Variants in ANKMY2 observed in about 807,000 individuals in gnomAD.
The protein encoded by ANKMY2 is ankyrin repeat and MYND domain-containing protein 2.
ANKMY2 carries 36 observed loss-of-function variants against 50.4 expected under a neutral mutation model. The observed-to-expected ratio is 0.71, with a 90% CI of 0.55 to 0.94. The LOEUF is 0.94. Among genes scored for constraint, ANKMY2 ranks in the 40% least tolerant of loss-of-function variants. The pLI, the probability that ANKMY2 is intolerant of heterozygous loss-of-function variation, is 0.00. For synonymous variants in ANKMY2, 187 were observed against 178.8 expected (o/e 1.05, Z -0.36); for missense variants, 565 against 524.0 (o/e 1.08, Z -0.76).
chr7:16,643,089 C>G (rs1781766602), intron 1 of ANKMY2, among the ~76,000 whole-genome samples: 1 of 152,180 alleles, frequency 6.6e-6, no homozygotes, highest in South Asian at 2.1e-4. Context: ...TTTAACTATA[C>G]TAACTACTTT....
At chr7:16,638,628 C>A (rs1562467575) in intron 1 of ANKMY2, among the ~76,000 whole-genome samples, 1 of 152,296 alleles carries the variant, frequency 6.6e-6, no homozygotes, top group East Asian at 1.9e-4. Context: ...TTAAGTCAGT[C>A]TTCAGCTCCT....
intron 4 of ANKMY2, among the ~76,000 whole-genome samples, chr7:16,617,699 C>T (rs894694283): frequency 6.6e-6 from 1 of 152,140 alleles, no homozygotes; most frequent in African/African-American, 2.4e-5. Flanking sequence ...GGCATGGTGG[C>T]TCATGCCTAT....
At chr7:16,622,745 T>C (rs1288265516) in intron 4 of ANKMY2, among the ~76,000 whole-genome samples, 1 of 76,620 alleles carries the variant, frequency 1.3e-5, no homozygotes, top group East Asian at 2.9e-4. Flanking sequence ...ATCTCAAAAA[T>C]AAATGAATAA....
chr7:16,633,480 T>C (rs1781615562), intron 2 of ANKMY2, among the ~76,000 whole-genome samples: 1 of 152,162 alleles, frequency 6.6e-6, no homozygotes, highest in Admixed American at 6.5e-5. Flanking sequence ...TGATAAATGT[T>C]GTATTTTCAG....
chr7:16,627,290 C>A, intron 2 of ANKMY2, 112 bp from the exon 3 acceptor site: 1 of 598,548 alleles, frequency 1.7e-6, no homozygotes, highest in Non-Finnish European at 2.7e-6. Flanking sequence ...TTAAAATGGT[C>A]ATTATAATAT....
chr7:16,638,295 T>C (rs1421385906), intron 1 of ANKMY2, among the ~76,000 whole-genome samples: 2 of 152,236 alleles, frequency 1.3e-5, no homozygotes, highest in East Asian at 3.8e-4. Context: ...CATAAGCCCC[T>C]GTACTTCTGA....
intron 5 of ANKMY2, among the ~76,000 whole-genome samples, chr7:16,612,093 G>A (rs375527557): frequency 1.3e-5 from 2 of 152,194 alleles, no homozygotes; most frequent in African/African-American, 4.8e-5. Flanking sequence ...CACAACAAAT[G>A]TAACAGGGAC....
chr7:16,610,416 A>C, intron 6 of ANKMY2, 133 bp downstream of exon 6: 2 of 673,980 alleles, frequency 3.0e-6, no homozygotes, highest in Non-Finnish European at 5.0e-6. Flanking sequence ...CTGTTTGTCA[A>C]AGACTAAATG....
At chr7:16,601,237 T>C (rs553963594) in intron 9 of ANKMY2, among the ~76,000 whole-genome samples, 1 of 152,342 alleles carries the variant, frequency 6.6e-6, no homozygotes, top group African/African-American at 2.4e-5. Flanking sequence ...AAGCCTGTAT[T>C]TGAATACAGC....
intron 7 of ANKMY2, among the ~76,000 whole-genome samples, chr7:16,607,618 T>A (rs1781181352): frequency 6.6e-6 from 1 of 151,428 alleles, no homozygotes. Flanking sequence ...CTAATTACAT[T>A]ATTCTATTAT....
rs536858693 is a variant in ANKMY2, at chr7:16,603,246, A to T, written c.1012-737T>A. On this transcript the variant is annotated intron_variant, in intron 8 of 9. Coordinates refer to ENST00000306999, the MANE Select transcript of ANKMY2 (RefSeq NM_020319.3). ...TCCCAAAGGTAGCTAGCATCAAGAA[A>T]AAGAAAGATATGGAAGAAGGGAGAG... is the stretch of plus-strand genomic sequence containing the variant. 2.6e-5 allele frequency among the ~76,000 whole-genome samples: 4 copies of T among 152,322 alleles called. No homozygotes were observed. The East Asian group carries it at 5.8e-4, about 22-fold the overall frequency.
chr7:16,641,813 TATG>T (rs1781749423), intron 1 of ANKMY2, among the ~76,000 whole-genome samples: 1 of 152,218 alleles, frequency 6.6e-6, no homozygotes, highest in Admixed American at 6.5e-5. Flanking sequence ...ATACTTATTG[TATG>T]ATTCTACTAA....
intron 5 of ANKMY2, among the ~76,000 whole-genome samples, chr7:16,615,287 C>G (rs1159762179): frequency 1.3e-5 from 2 of 152,186 alleles, no homozygotes; most frequent in Non-Finnish European, 2.9e-5. Context: ...ACCAGGCCCC[C>G]GGGGCTCTCA....
intron 8 of ANKMY2, among the ~76,000 whole-genome samples, chr7:16,604,241 A>C (rs1396097276): frequency 6.6e-6 from 1 of 152,250 alleles, no homozygotes; most frequent in Non-Finnish European, 1.5e-5. Context: ...TAATTCTGGC[A>C]GAAGGGGGCA....
intron 2 of ANKMY2, among the ~76,000 whole-genome samples, chr7:16,635,557 C>G (rs1414083419): frequency 6.6e-6 from 1 of 152,136 alleles, no homozygotes; most frequent in Non-Finnish European, 1.5e-5. Context: ...ATGAAGGAAT[C>G]TAAATATCCA....
chr7:16,624,787 A>G (rs1262912693), intron 4 of ANKMY2, among the ~76,000 whole-genome samples, 196 bp downstream of exon 4: 1 of 152,226 alleles, frequency 6.6e-6, no homozygotes, highest in East Asian at 1.9e-4. Flanking sequence ...TTTGTATTTG[A>G]AAAAGTGGAA....
intron 2 of ANKMY2, among the ~76,000 whole-genome samples, chr7:16,630,224 C>T (rs1440890788): frequency 6.6e-6 from 1 of 152,110 alleles, no homozygotes; most frequent in Non-Finnish European, 1.5e-5. Context: ...TTCTAAGATG[C>T]ATCTCACTTT....
chr7:16,616,790 G>A (rs1030216144), intron 4 of ANKMY2, among the ~76,000 whole-genome samples: 4 of 152,252 alleles, frequency 2.6e-5, no homozygotes, highest in South Asian at 2.1e-4. Context: ...CCCCGCTCCC[G>A]GAGAGTGGTT....
intron 7 of ANKMY2, among the ~76,000 whole-genome samples, chr7:16,607,677 T>C (rs1156625946): frequency 1.8e-5 from 1 of 56,400 alleles, no homozygotes; most frequent in Non-Finnish European, 3.7e-5. Context: ...GCTTTTTTTT[T>C]TTTTTTTTTT....
Sources: gnomAD v4.1 joint callset for allele counts (sites outside exome capture counted in the v4.1 genomes callset) on GRCh38, gnomAD v4.1.1 for gene constraint, MANE v1.5 for transcripts, NCBI Gene and HGNC (gene_info 2026-07-23, HGNC 2026-07-21) for gene names.